The following LRRC7 variants were observed in gnomAD, a reference collection of about 807,000 sequenced individuals.
LRRC7 encodes the protein leucine rich repeat containing 7.
LRRC7 carries 23 observed loss-of-function variants against 175.7 expected under a neutral mutation model. That is an observed-to-expected ratio of 0.13 (90% CI 0.09 to 0.19). LRRC7 has a LOEUF of 0.19. LRRC7 is among the 10% of genes least tolerant of loss of function. The pLI is 1.00. For synonymous variants in LRRC7, 685 were observed against 680.9 expected (o/e 1.01, Z -0.09); for missense variants, 1,354 against 1,904.7 (o/e 0.71, Z 5.38).
At chr1:70,079,344 A>G (rs1232213138) in intron 24 of LRRC7, among the ~76,000 whole-genome samples, 1 of 152,236 alleles carries the variant, frequency 6.6e-6, no homozygotes, top group Non-Finnish European at 1.5e-5. Context: ...AGAGCCATAA[A>G]GAGAAAAGCA....
chr1:69,961,404 T>G (rs1651073131), intron 8 of LRRC7, among the ~76,000 whole-genome samples: 1 of 152,188 alleles, frequency 6.6e-6, no homozygotes, highest in Non-Finnish European at 1.5e-5. Flanking sequence ...ATGGCCACAC[T>G]GCCCAAAGCA....
intron 21 of LRRC7, among the ~76,000 whole-genome samples, chr1:70,043,152 G>T (rs183622218): frequency 2.0e-5 from 3 of 151,858 alleles, no homozygotes; most frequent in East Asian, 3.9e-4. Context: ...AAGTTTTATA[G>T]GAAAAAAATT....
chr1:70,022,801 A>G, intron 16 of LRRC7, among the ~76,000 whole-genome samples: 1 of 152,204 alleles, frequency 6.6e-6, no homozygotes, highest in Non-Finnish European at 1.5e-5. Flanking sequence ...CATTAAATTC[A>G]GCACCATTTT....
In LRRC7 at chr1:69,573,210, C is replaced by T. The variant is rs577920311; in HGVS notation, c.2+4569C>T. Among the ~76,000 whole-genome samples, 7 of 152,228 alleles carry T rather than the reference C, an allele frequency of 4.6e-5. No individual in the cohort carries two copies. The East Asian group carries it at 1.2e-3, about 25-fold the overall frequency. On this transcript the variant is annotated intron_variant, in intron 1 of 26. Coordinates refer to ENST00000651989, the MANE Select transcript of LRRC7 (RefSeq NM_001370785.2). ...GACAGCAAGTGGCAAATCCATGCCA[C>T]GTGGAAAGTGATGGGCCAAGATTTA... is the stretch of plus-strand genomic sequence containing the variant.
rs566736092 is a variant in LRRC7 at position 69,731,278 on chromosome 1, A to T, written c.101-28913A>T. ...GATCACGCCACTGCACTCCAGCAAG[A>T]CTCCATTACCCCCACCCCCAAAAAA... On this transcript the variant is annotated intron_variant, in intron 2 of 26. Transcript: ENST00000651989. Among the ~76,000 whole-genome samples, 21 of 151,828 alleles carry T rather than the reference A, an allele frequency of 1.4e-4. No individual in the cohort carries two copies. In the South Asian group the frequency reaches 4.4e-3, roughly 32 times the overall value.
intron 7 of LRRC7, among the ~76,000 whole-genome samples, chr1:69,888,506 A>G (rs1460684183): frequency 2.0e-5 from 3 of 151,954 alleles, no homozygotes; most frequent in Admixed American, 1.3e-4. Context: ...ACTGACCTGC[A>G]CCCACTGTCT....
chr1:69,895,579 GT>G (rs1316449415), intron 7 of LRRC7, among the ~76,000 whole-genome samples: 1 of 152,108 alleles, frequency 6.6e-6, no homozygotes, highest in Non-Finnish European at 1.5e-5. Context: ...CCCCAACGGT[GT>G]CCCCAAGGCA....
Position 69,760,668 on chromosome 1 carries a change from ATAGAG to A in LRRC7, c.303+281_303+285del, listed in dbSNP as rs551930603. 3.3e-5 allele frequency among the ~76,000 whole-genome samples: 5 copies of A among 151,962 alleles called. No homozygotes were observed. In the South Asian group the frequency reaches 6.2e-4, roughly 19 times the overall value. On this transcript the variant is annotated intron_variant, in intron 3 of 26. Coordinates refer to ENST00000651989, the MANE Select transcript of LRRC7 (RefSeq NM_001370785.2). ...CATTTAAAATGACCTCTATAAAAAT[ATAGAG>A]TAGAGGGTTGAGATCAATAGTTTAT...
chr1:69,890,849 C>G (rs1022302344), intron 7 of LRRC7, among the ~76,000 whole-genome samples: 2 of 152,212 alleles, frequency 1.3e-5, no homozygotes, highest in African/African-American at 2.4e-5. Flanking sequence ...CACAAACCAA[C>G]CTCTGCTAGC....
intron 10 of LRRC7, among the ~76,000 whole-genome samples, chr1:69,993,922 C>T (rs542587568): frequency 6.6e-6 from 1 of 152,074 alleles, no homozygotes; most frequent in Non-Finnish European, 1.5e-5. Context: ...GGGAAGAGAG[C>T]AAGCCATTAA....
chr1:69,715,448 T>C (rs1434406989), intron 2 of LRRC7, among the ~76,000 whole-genome samples: 1 of 152,094 alleles, frequency 6.6e-6, no homozygotes, highest in Non-Finnish European at 1.5e-5. Context: ...AGAATACAAA[T>C]TGCAACACCA....
intron 3 of LRRC7, among the ~76,000 whole-genome samples, chr1:69,770,034 C>G (rs1218749344): frequency 1.3e-5 from 2 of 152,120 alleles, no homozygotes; most frequent in African/African-American, 4.8e-5. Context: ...GACTGCTGCT[C>G]AGAATTCACA....
In LRRC7 at chr1:69,759,636, T is replaced by G. The variant is rs185977185; in HGVS notation, c.101-555T>G. Among the ~76,000 whole-genome samples the G allele has an allele frequency of 2.6e-5, 4 of 152,170 alleles. No homozygotes were observed. The East Asian group carries it at 7.7e-4, about 29-fold the overall frequency. On this transcript the variant is annotated intron_variant, in intron 2 of 26. Coordinates refer to ENST00000651989, the MANE Select transcript of LRRC7 (RefSeq NM_001370785.2). ...CCATGAAAACAGGGTCTTTGTTCAA[T>G]GCATCACTGTCTCCACTAGAACAGT...
intron 4 of LRRC7, among the ~76,000 whole-genome samples, chr1:69,824,580 C>G (rs978777922): frequency 6.6e-6 from 1 of 151,956 alleles, no homozygotes; most frequent in African/African-American, 2.4e-5. Context: ...ACTTTGTACC[C>G]CTTTGTACCC....
chr1:69,919,821 T>C (rs1432221236), intron 7 of LRRC7: 11 of 756,444 alleles, frequency 1.5e-5, no homozygotes, highest in Non-Finnish European at 2.0e-5. Flanking sequence ...GGCATCCACG[T>C]CATTGTCCGC....
chr1:69,651,517 G>A (rs1227584498), intron 1 of LRRC7, among the ~76,000 whole-genome samples: 1 of 152,136 alleles, frequency 6.6e-6, no homozygotes, highest in African/African-American at 2.4e-5. Context: ...AGCACTGTGG[G>A]AGTACTGACA....
At chr1:69,569,291 A>T (rs1557649876) in intron 1 of LRRC7, among the ~76,000 whole-genome samples, 2 of 152,042 alleles carry the variant, frequency 1.3e-5, no homozygotes, top group East Asian at 3.9e-4. Context: ...GTTCCCTGGG[A>T]GTCAGGGAGA....
chr1:70,094,207 G>T (rs1226143976), intron 25 of LRRC7, among the ~76,000 whole-genome samples: 3 of 152,086 alleles, frequency 2.0e-5, no homozygotes, highest in Admixed American at 2.0e-4. Context: ...GGACCTGACA[G>T]CAGCAAATAT....
chr1:69,775,388 C>T (rs1293714827), intron 3 of LRRC7, among the ~76,000 whole-genome samples: 1 of 151,960 alleles, frequency 6.6e-6, no homozygotes, highest in African/African-American at 2.4e-5. Flanking sequence ...AGAATTAATC[C>T]CCTGTCAACT....
Sources: allele counts gnomAD v4.1 joint callset (sites outside exome capture counted in the v4.1 genomes callset), GRCh38; gene constraint gnomAD v4.1.1; transcripts MANE v1.5; gene names NCBI Gene and HGNC (gene_info 2026-07-23, HGNC 2026-07-21).